Variants in MOB1B observed in about 807,000 individuals in gnomAD.
The protein encoded by MOB1B is MOB1 Mps One Binder homolog B.
A neutral mutation model predicts 24.4 loss-of-function variants in MOB1B; 19 were observed. The ratio of observed to expected loss-of-function variants is 0.78; its 90% confidence interval spans 0.54 to 1.14. MOB1B has a LOEUF of 1.14. MOB1B is among the 50% of genes most tolerant of loss of function. The probability of loss-of-function intolerance (pLI) is 0.00; values close to 1 mark genes in which losing one functional copy is unlikely to be tolerated. For synonymous variants in MOB1B, 76 were observed against 82.1 expected (o/e 0.93, Z 0.40); for missense variants, 243 against 259.6 (o/e 0.94, Z 0.44).
chr4:70,929,832 A>G (rs903053352), intron 1 of MOB1B, among the ~76,000 whole-genome samples: 3 of 152,062 alleles, frequency 2.0e-5, no homozygotes, highest in African/African-American at 7.2e-5. Flanking sequence ...TTTTTAGTAG[A>G]GACGGGGTTT....
chr4:70,962,293 G>A (rs1274956028), intron 2 of MOB1B, among the ~76,000 whole-genome samples: 1 of 152,180 alleles, frequency 6.6e-6, no homozygotes, highest in African/African-American at 2.4e-5. Context: ...AACTCTACCT[G>A]ATAACACTAT....
rs1314484146 is a variant in MOB1B at position 70,942,945 on chromosome 4, T to G, written c.15-15929T>G. On this transcript the variant is annotated intron_variant, in intron 1 of 5. Coordinates refer to ENST00000309395, the MANE Select transcript of MOB1B (RefSeq NM_173468.4). ...GCATTGTGGCAGTATTTCCCTTTAATGTAGCTCAGAAATATATCTCAGTGG... is the reference window on the plus strand; with the variant it reads ...GCATTGTGGCAGTATTTCCCTTTAAGGTAGCTCAGAAATATATCTCAGTGG... 5.3e-6 allele frequency: 2 copies of G among 379,280 alleles called. 1 individual carries two copies. The highest frequency in any genetic ancestry group is 4.2e-5 in the African/African-American group (2 of 47,584). The allele number at this position is 379,280 out of a possible 1,614,324, so 23.5% of individuals were successfully genotyped here. A position where few individuals can be genotyped will look rare whatever the true frequency, so the allele number is the denominator to read the frequency against.
At chr4:70,940,868 G>T (rs1352023723) in intron 1 of MOB1B, among the ~76,000 whole-genome samples, 1 of 151,396 alleles carries the variant, frequency 6.6e-6, no homozygotes, top group Non-Finnish European at 1.5e-5. Flanking sequence ...TAGAGACAGG[G>T]TTTCTCCATG....
At chr4:70,945,425 G>C (rs1311226945) in intron 1 of MOB1B, among the ~76,000 whole-genome samples, 1 of 152,076 alleles carries the variant, frequency 6.6e-6, no homozygotes, top group African/African-American at 2.4e-5. Flanking sequence ...TTTGTGCTTG[G>C]ATTTTGTTTG....
chr4:70,979,104 G>A (rs1447134163), intron 4 of MOB1B, 24 bp from the exon 5 acceptor site: 3 of 1,598,140 alleles, frequency 1.9e-6, no homozygotes, highest in African/African-American at 2.7e-5. Flanking sequence ...TGTTACTAGA[G>A]GGAGTTGTTT....
At chr4:70,954,542 G>A (rs534374990) in intron 1 of MOB1B, among the ~76,000 whole-genome samples, 31 of 148,012 alleles carry the variant, frequency 2.1e-4, no homozygotes, top group African/African-American at 7.3e-4. Flanking sequence ...TGCAACCTCC[G>A]CCTCCTGGGT....
chr4:70,912,860 A>C (rs1736049916), intron 1 of MOB1B, among the ~76,000 whole-genome samples: 1 of 152,144 alleles, frequency 6.6e-6, no homozygotes, highest in East Asian at 1.9e-4. Flanking sequence ...TCCTAGGCTC[A>C]AGGGATCCTC....
intron 2 of MOB1B, among the ~76,000 whole-genome samples, chr4:70,968,796 TA>T (rs1309441172): frequency 4.6e-5 from 7 of 151,964 alleles, no homozygotes; most frequent in African/African-American, 1.7e-4. Context: ...ATTTTTAAAA[TA>T]TTTTTTGCAG....
chr4:70,919,469 TC>T (rs1195307428), intron 1 of MOB1B, among the ~76,000 whole-genome samples: 2 of 152,166 alleles, frequency 1.3e-5, no homozygotes, highest in African/African-American at 4.8e-5. Flanking sequence ...ATTCTACTGT[TC>T]TTACACACAT....
At chr4:70,918,658 G>A (rs1194026456) in intron 1 of MOB1B, among the ~76,000 whole-genome samples, 2 of 152,038 alleles carry the variant, frequency 1.3e-5, no homozygotes, top group African/African-American at 4.8e-5. Flanking sequence ...CACTCTGATG[G>A]TAGTTTTCTT....
At chr4:70,934,486 T>C (rs1737006634) in intron 1 of MOB1B, among the ~76,000 whole-genome samples, 2 of 149,936 alleles carry the variant, frequency 1.3e-5, no homozygotes, top group Admixed American at 1.3e-4. Flanking sequence ...CGAGTCTTGC[T>C]CTGTCACTCC....
In MOB1B at chr4:70,986,081, G is replaced by GAT. The variant is rs1330023042; in HGVS notation, c.*4028_*4029dup. 6.6e-6 allele frequency: 1 copy of GAT among 152,134 alleles called. No individual in the cohort carries two copies. Among genetic ancestry groups the GAT allele is most frequent in the Non-Finnish European group, 1.5e-5 (1 of 68,016 alleles). 9.4% of individuals were successfully genotyped at this position (152,134 alleles called of 1,614,324 possible). ...TACCTTACCTTAATTACCTTAGTTA[G>GAT]ATATACTAATGGAAAAAAACCAAGT... On this transcript the variant is annotated 3_prime_UTR_variant, in exon 6 of 6. Coordinates refer to ENST00000309395, the MANE Select transcript of MOB1B (RefSeq NM_173468.4).
chr4:70,952,065 G>A (rs961852465), intron 1 of MOB1B, among the ~76,000 whole-genome samples: 2 of 152,140 alleles, frequency 1.3e-5, no homozygotes, highest in Admixed American at 6.5e-5. Context: ...ATTTAAAAAT[G>A]TAACTGCTCT....
intron 1 of MOB1B, among the ~76,000 whole-genome samples, chr4:70,947,652 G>A (rs1238908768): frequency 6.6e-6 from 1 of 151,780 alleles, no homozygotes; most frequent in Admixed American, 6.6e-5. Flanking sequence ...TTTGAAGCAG[G>A]GTCTCACTCT....
chr4:70,942,511 A>G (rs1737390821), intron 1 of MOB1B, among the ~76,000 whole-genome samples: 1 of 152,142 alleles, frequency 6.6e-6, no homozygotes, highest in Admixed American at 6.6e-5. Flanking sequence ...AACATAAATT[A>G]TTTTATAAAT....
chr4:70,903,974 C>CTTTTTTTTTT (rs754257097), intron 1 of MOB1B, among the ~76,000 whole-genome samples: 13 of 81,018 alleles, frequency 1.6e-4, no homozygotes, highest in Non-Finnish European at 2.3e-4. Context: ...TATTTTAGTT[C>CTTTTTTTTTT]TTTTTTTTTT....
intron 1 of MOB1B, among the ~76,000 whole-genome samples, chr4:70,954,440 A>G (rs1737948655): frequency 1.3e-5 from 2 of 152,006 alleles, no homozygotes; most frequent in African/African-American, 2.4e-5. Flanking sequence ...TTCAGATTTT[A>G]TTTTTTCTTT....
At chr4:70,947,791 T>C (rs1433806621) in intron 1 of MOB1B, among the ~76,000 whole-genome samples, 1 of 152,114 alleles carries the variant, frequency 6.6e-6, no homozygotes, top group South Asian at 2.1e-4. Flanking sequence ...TAATTTTTTG[T>C]AGAGATAGGG....
intron 2 of MOB1B, among the ~76,000 whole-genome samples, chr4:70,965,961 C>CT (rs1738512001): frequency 6.6e-6 from 1 of 151,782 alleles, no homozygotes; most frequent in Admixed American, 6.6e-5. Context: ...AATCTTATAA[C>CT]TTAAAAAAAA....
Sources: gnomAD v4.1 joint callset for allele counts (sites outside exome capture counted in the v4.1 genomes callset) on GRCh38, gnomAD v4.1.1 for gene constraint, MANE v1.5 for transcripts, NCBI Gene and HGNC (gene_info 2026-07-23, HGNC 2026-07-21) for gene names.